The following FAM200B variants were observed in gnomAD, a reference collection of about 807,000 sequenced individuals.
FAM200B encodes the protein protein FAM200B.
A neutral mutation model predicts 33.1 loss-of-function variants in FAM200B; 32 were observed. That is an observed-to-expected ratio of 0.97 (90% CI 0.73 to 1.30). The LOEUF is 1.30. FAM200B is among the 50% of genes most tolerant of loss of function. FAM200B has a pLI of 0.00. For synonymous variants in FAM200B, 240 were observed against 264.8 expected, an observed-to-expected ratio of 0.91 and a Z score of 0.91; for missense variants, 741 against 754.0, an observed-to-expected ratio of 0.98 and a Z score of 0.20.
Position 15,687,667 on chromosome 4 carries a change from T to C in FAM200B, c.690T>C (p.Asp230=). Residue 230 remains aspartate (D), a synonymous_variant, in exon 2 of 2, where the codon GAT becomes GAC. Coordinates refer to ENST00000422728, the MANE Select transcript of FAM200B (RefSeq NM_001145191.2). ...GTATAGATTTTGCAATCCAGCTTGATGAAAGCACTGATATTGGAAGCTGCA... is the reference window on the plus strand; with the variant it reads ...GTATAGATTTTGCAATCCAGCTTGACGAAAGCACTGATATTGGAAGCTGCA... ...QSGIDFAIQL[D]ESTDIGSCTT... The C allele has an allele frequency of 2.6e-6, 4 of 1,551,260 alleles. No homozygotes were observed. The highest frequency in any genetic ancestry group is 2.4e-5 in the East Asian group (1 of 40,884).
In FAM200B at chr4:15,689,207, C is replaced by G. The variant is rs909544938; in HGVS notation, c.*256C>G. The G allele has an allele frequency of 6.3e-6, 2 of 319,868 alleles. No homozygotes were observed. Among genetic ancestry groups the G allele is most frequent in the African/African-American group, 4.3e-5 (2 of 46,482 alleles). 19.8% of individuals were successfully genotyped at this position (319,868 alleles called of 1,614,324 possible). A position where few individuals can be genotyped will look rare whatever the true frequency, so the allele number is the denominator to read the frequency against. On this transcript the variant is annotated 3_prime_UTR_variant, in exon 2 of 2. Transcript: ENST00000422728. ...TTCCCTAGTAGAGTTTATATCCTGGCAAGGAGAAATTGACAATAAACCTAA... is the reference window on the plus strand; with the variant it reads ...TTCCCTAGTAGAGTTTATATCCTGGGAAGGAGAAATTGACAATAAACCTAA...
chr4:15,644,455 C>G, the FAM200B span: 1 of 1,533,622 alleles, frequency 6.5e-7, no homozygotes, highest in Non-Finnish European at 8.9e-7. Context: ...GAAGATGGCA[C>G]AAGTTTTGAC....
upstream of FAM200B, among the ~76,000 whole-genome samples, chr4:15,679,490 A>C (rs537375259): frequency 6.6e-6 from 1 of 152,142 alleles, no homozygotes; most frequent in African/African-American, 2.4e-5. Context: ...GATTTTGATC[A>C]CAAGAGATTT....
At chr4:15,650,661 CTTTTTTTTTTTTTT>C in the FAM200B span, among the ~76,000 whole-genome samples, 1 of 77,884 alleles carries the variant, frequency 1.3e-5, no homozygotes, top group Admixed American at 1.6e-4. Context: ...AACTGACTTT[CTTTTTTTTTTTTTT>C]TTTTTTTTTT....
At chr4:15,677,748 T>C (rs7434484), upstream of FAM200B, among the ~76,000 whole-genome samples, 53,465 of 152,004 alleles carry the variant, frequency 0.35, 9,803 homozygotes, top group African/African-American at 0.37. Flanking sequence ...TACACAAAAA[T>C]TGTAGTAGTA....
At chr4:15,645,325 G>A in the FAM200B span, among the ~76,000 whole-genome samples, 2 of 152,144 alleles carry the variant, frequency 1.3e-5, no homozygotes, top group Non-Finnish European at 2.9e-5. Context: ...TGCGGATTAT[G>A]CATTTTAAGA....
chr4:15,681,657 A>T (rs540114457), upstream of FAM200B: 2 of 152,636 alleles, frequency 1.3e-5, no homozygotes, highest in South Asian at 4.1e-4. Context: ...GACTGCCGAC[A>T]GAGCGTAGGG....
chr4:15,683,002 A>G (rs909407157), intron 1 of FAM200B, among the ~76,000 whole-genome samples: 1 of 152,176 alleles, frequency 6.6e-6, no homozygotes, highest in African/African-American at 2.4e-5. Context: ...ATGCTTTTCC[A>G]GTTATGAGGA....
chr4:15,659,935 GAA>G, the FAM200B span: 2,983 of 153,274 alleles, frequency 0.019, 100 homozygotes, highest in African/African-American at 0.068. Flanking sequence ...GGAATGGAAA[GAA>G]ATGATAAGTT....
the FAM200B span, among the ~76,000 whole-genome samples, chr4:15,673,686 T>C: frequency 4.6e-5 from 7 of 152,212 alleles, no homozygotes; most frequent in African/African-American, 1.4e-4. Context: ...ATGCATACAG[T>C]GATCAATACT....
At chr4:15,638,419 T>A in the FAM200B span, 1 of 957,590 alleles carries the variant, frequency 1.0e-6, no homozygotes, top group African/African-American at 1.8e-5. Context: ...TAACTTGAAT[T>A]ATTCCTCAAC....
At chr4:15,650,913 AGC>A in the FAM200B span, among the ~76,000 whole-genome samples, 1 of 152,092 alleles carries the variant, frequency 6.6e-6, no homozygotes, top group African/African-American at 2.4e-5. Flanking sequence ...TACAGGCATG[AGC>A]CACTGCACCC....
the FAM200B span, chr4:15,655,418 T>A: frequency 4.0e-6 from 4 of 1,001,076 alleles, no homozygotes; most frequent in South Asian, 9.3e-5. Context: ...CCGGTCGGCT[T>A]GGCCGGCGGG....
At chr4:15,644,045 T>C in the FAM200B span, among the ~76,000 whole-genome samples, 15,992 of 152,294 alleles carry the variant, frequency 0.11, 1,115 homozygotes, top group Non-Finnish European at 0.15. Flanking sequence ...TAGTCCAGTT[T>C]CAGCAAAAAT....
the FAM200B span, among the ~76,000 whole-genome samples, chr4:15,653,073 T>C: frequency 7.2e-5 from 11 of 152,306 alleles, no homozygotes; most frequent in East Asian, 1.3e-3. Context: ...GCTATCAGTA[T>C]CAAGAAGAAA....
chr4:15,649,859 A>C, the FAM200B span, among the ~76,000 whole-genome samples: 1 of 152,304 alleles, frequency 6.6e-6, no homozygotes, highest in East Asian at 1.9e-4. Flanking sequence ...ACAGAGTCTC[A>C]GGAAGAAAAT....
chr4:15,667,175 G>C, the FAM200B span, among the ~76,000 whole-genome samples: 1 of 152,188 alleles, frequency 6.6e-6, no homozygotes, highest in Non-Finnish European at 1.5e-5. Flanking sequence ...CTGAATACAC[G>C]TCGTAGTACT....
chr4:15,668,105 A>C, the FAM200B span, among the ~76,000 whole-genome samples: 353 of 152,124 alleles, frequency 2.3e-3, no homozygotes, highest in African/African-American at 7.9e-3. Context: ...CAATGATTGT[A>C]ACAATTAAAA....
chr4:15,671,928 G>C, the FAM200B span, among the ~76,000 whole-genome samples: 8 of 152,074 alleles, frequency 5.3e-5, no homozygotes, highest in Non-Finnish European at 1.0e-4. Context: ...TCTACTTTTT[G>C]AACATATGGA....
Sources: gnomAD v4.1 joint callset for allele counts (sites outside exome capture counted in the v4.1 genomes callset) on GRCh38, gnomAD v4.1.1 for gene constraint, MANE v1.5 for transcripts, NCBI Gene and HGNC (gene_info 2026-07-23, HGNC 2026-07-21) for gene names.